Variants in FMN1 observed in about 807,000 individuals in gnomAD.
FMN1 encodes the protein formin-1.
In FMN1, 110 loss-of-function variants were observed where a neutral mutation model predicts 132.4. The ratio of observed to expected loss-of-function variants is 0.83; its 90% confidence interval spans 0.71 to 0.97. FMN1 has a LOEUF of 0.97. Among genes scored for constraint, FMN1 ranks in the 50% least tolerant of loss-of-function variants. The probability of loss-of-function intolerance (pLI) is 0.00; values close to 1 mark genes in which losing one functional copy is unlikely to be tolerated. For synonymous variants in FMN1, 722 were observed against 651.7 expected, an observed-to-expected ratio of 1.11 and a Z score of -1.64; for missense variants, 1,792 against 1,705.3, an observed-to-expected ratio of 1.05 and a Z score of -0.90.
chr15:32,999,079 T>C (rs1416455664), intron 7 of FMN1, among the ~76,000 whole-genome samples: 1 of 152,218 alleles, frequency 6.6e-6, no homozygotes, highest in Non-Finnish European at 1.5e-5. Flanking sequence ...TTTCTCAATA[T>C]TGTCTATTTT....
intron 6 of FMN1, among the ~76,000 whole-genome samples, chr15:33,031,263 C>CA (rs1381063265): frequency 2.6e-5 from 4 of 152,078 alleles, no homozygotes; most frequent in Non-Finnish European, 4.4e-5. Context: ...TCGAGGAAGA[C>CA]AAAAAACCAT....
chr15:33,184,415 C>A (rs573286687), intron 2 of FMN1, among the ~76,000 whole-genome samples: 31 of 152,086 alleles, frequency 2.0e-4, no homozygotes, highest in African/African-American at 7.0e-4. Flanking sequence ...TTCTTTTCCA[C>A]ATTTCAAAAA....
chr15:32,807,113 A>G (rs1269768345), intron 17 of FMN1, among the ~76,000 whole-genome samples: 1 of 152,256 alleles, frequency 6.6e-6, no homozygotes, highest in Non-Finnish European at 1.5e-5. Context: ...AGCTTGCTTA[A>G]AAAGAGATAT....
intron 5 of FMN1, chr15:33,067,140 G>C: frequency 4.3e-6 from 7 of 1,613,950 alleles, no homozygotes; most frequent in Non-Finnish European, 4.2e-6. Context: ...CTCGAATTCT[G>C]GTTTGTTACT....
intron 5 of FMN1, among the ~76,000 whole-genome samples, chr15:33,072,475 C>CT (rs80271532): frequency 0.12 from 18,878 of 152,154 alleles, 2,101 homozygotes; most frequent in East Asian, 0.63. Context: ...TGTTATAACT[C>CT]TGTTAAAAAC....
At chr15:33,023,721 G>T (rs1240686119) in intron 6 of FMN1, among the ~76,000 whole-genome samples, 3 of 152,040 alleles carry the variant, frequency 2.0e-5, no homozygotes, top group African/African-American at 7.2e-5. Flanking sequence ...TTGACACAGT[G>T]ATAGAAAAAA....
chr15:33,064,704 T>TCAC (rs2141244910), intron 6 of FMN1: 1 of 276,136 alleles, frequency 3.6e-6, no homozygotes, highest in Admixed American at 5.4e-5. Flanking sequence ...CTCCATCAGG[T>TCAC]CCCCCAAGGT....
chr15:33,039,931 T>C (rs1869664), intron 6 of FMN1, among the ~76,000 whole-genome samples: 28,120 of 152,130 alleles, frequency 0.18, 2,782 homozygotes, highest in Middle Eastern at 0.24. Context: ...CAGACTCATA[T>C]CCATCCTTGG....
intron 15 of FMN1, among the ~76,000 whole-genome samples, chr15:32,896,177 T>C (rs182181231): frequency 6.6e-5 from 10 of 152,154 alleles, no homozygotes; most frequent in Admixed American, 3.9e-4. Context: ...ATTTCTGAGA[T>C]TTCCTTTTCA....
intron 9 of FMN1, among the ~76,000 whole-genome samples, chr15:32,942,757 T>C (rs1253200112): frequency 6.6e-6 from 1 of 152,176 alleles, no homozygotes; most frequent in African/African-American, 2.4e-5. Flanking sequence ...GCACAGTCAG[T>C]TTTATCCTAG....
intron 4 of FMN1, among the ~76,000 whole-genome samples, chr15:33,103,843 T>C (rs1342250117): frequency 6.6e-6 from 1 of 152,154 alleles, no homozygotes; most frequent in Non-Finnish European, 1.5e-5. Flanking sequence ...GGAACCTGTT[T>C]TTAGCATCTT....
At chr15:32,784,667 C>T (rs1164078126) in intron 19 of FMN1, among the ~76,000 whole-genome samples, 1 of 152,224 alleles carries the variant, frequency 6.6e-6, no homozygotes, top group Non-Finnish European at 1.5e-5. Context: ...CTGCTTATTA[C>T]TTTCCAGGTA....
chr15:32,941,879 C>T (rs1017529682), intron 9 of FMN1, among the ~76,000 whole-genome samples: 5 of 152,080 alleles, frequency 3.3e-5, no homozygotes, highest in Non-Finnish European at 7.4e-5. Context: ...TTTTGAGGGA[C>T]GTTAGCAAGC....
intron 6 of FMN1, among the ~76,000 whole-genome samples, chr15:33,033,277 A>T (rs957553558): frequency 1.3e-5 from 2 of 152,148 alleles, no homozygotes; most frequent in Admixed American, 6.5e-5. Context: ...TGATCCGCCC[A>T]CCTCAGCCTC....
At chr15:32,779,224 A>AC (rs1026105068) in intron 19 of FMN1, among the ~76,000 whole-genome samples, 70 of 152,280 alleles carry the variant, frequency 4.6e-4, no homozygotes, top group African/African-American at 1.7e-3. Context: ...ATGGTTGTAG[A>AC]CCCTTGTGAA....
intron 9 of FMN1, among the ~76,000 whole-genome samples, chr15:32,941,682 G>C (rs2061403545): frequency 6.6e-6 from 1 of 152,108 alleles, no homozygotes; most frequent in Non-Finnish European, 1.5e-5. Context: ...ACTTTTGGCA[G>C]TGAACTATTT....
intron 5 of FMN1, among the ~76,000 whole-genome samples, chr15:33,070,377 G>A (rs115613652): frequency 1.7e-4 from 22 of 133,266 alleles, no homozygotes; most frequent in South Asian, 8.1e-4. Context: ...GAGAGGGCAC[G>A]TATTTGGTCT....
chr15:33,030,986 C>T (rs2035910673), intron 6 of FMN1, among the ~76,000 whole-genome samples: 1 of 151,198 alleles, frequency 6.6e-6, no homozygotes. Flanking sequence ...CCCCACCCCA[C>T]CCCCCGACAG....
chr15:33,024,310 G>A (rs899537954), intron 6 of FMN1, among the ~76,000 whole-genome samples: 4 of 136,592 alleles, frequency 2.9e-5, no homozygotes, highest in Middle Eastern at 8.8e-3. Context: ...GCAGTGACGT[G>A]ATCTCGGCTC....
Sources: allele counts gnomAD v4.1 joint callset (sites outside exome capture counted in the v4.1 genomes callset), GRCh38; gene constraint gnomAD v4.1.1; transcripts MANE v1.5; gene names NCBI Gene and HGNC (gene_info 2026-07-23, HGNC 2026-07-21).